LRP3: variants seen among roughly 807,000 people sequenced by gnomAD.
The protein encoded by LRP3 is low-density lipoprotein receptor-related protein 3.
In LRP3, 49 loss-of-function variants were observed where a neutral mutation model predicts 58.5. That is an observed-to-expected ratio of 0.84 (90% CI 0.67 to 1.06). The LOEUF is 1.06. LRP3 is among the 50% of genes least tolerant of loss of function. The pLI, the probability that LRP3 is intolerant of heterozygous loss-of-function variation, is 0.00. For missense variants in LRP3, 1,019 were observed against 1,134.2 expected, an observed-to-expected ratio of 0.90 and a Z score of 1.46; for synonymous variants, 485 against 492.2, an observed-to-expected ratio of 0.99 and a Z score of 0.20.
Position 33,196,716 on chromosome 19 carries a change from TG to T in LRP3, c.74-13del. 6.2e-7 allele frequency: 1 copy of T among 1,613,980 alleles called. No individual in the cohort carries two copies. The highest frequency in any genetic ancestry group is 8.5e-7 in the Non-Finnish European group (1 of 1,179,816). On this transcript the variant is annotated splice_polypyrimidine_tract_variant and intron_variant, in intron 1 of 6. Transcript: ENST00000253193. ...TATGTGGGACCCCTGACCCTTTCTT[TG>T]TATCTCCCACAGTGAACATCTTTCT...
At chr19:33,203,280 G>A (rs1974362363) in intron 3 of LRP3, among the ~76,000 whole-genome samples, 1 of 152,064 alleles carries the variant, frequency 6.6e-6, no homozygotes. Context: ...CAGGTATGTG[G>A]TGTGTGCATG....
Position 33,208,484 on chromosome 19 carries a change from AG to A in LRP3, c.*914del, listed in dbSNP as rs1387182008. ...CCCATCCTCGACATCCCTTTAGGGCAGGGGGACTCTGGGTGCCATGGTAGGG... is the reference window on the plus strand; with the variant it reads ...CCCATCCTCGACATCCCTTTAGGGCAGGGGACTCTGGGTGCCATGGTAGGG... On this transcript the variant is annotated 3_prime_UTR_variant, in exon 7 of 7. Coordinates refer to ENST00000253193, the MANE Select transcript of LRP3 (RefSeq NM_002333.4). The surrounding 1 kb of genome is among the most constrained non-coding windows in gnomAD (Gnocchi z 4.7). 7 of 299,846 alleles carry A rather than the reference AG, an allele frequency of 2.3e-5. No homozygotes were observed. 18.6% of individuals were successfully genotyped at this position (299,846 alleles called of 1,614,324 possible).
In LRP3 at chr19:33,204,771, C is replaced by A; in HGVS notation, c.394C>A (p.Arg132Ser). Reference sequence around the variant, plus strand: ...CATCCCACCTGCCTTCATCTCTGCCCGCGACCATGTCTGGATTTTCTTCCA... The same window carrying A: ...CATCCCACCTGCCTTCATCTCTGCCAGCGACCATGTCTGGATTTTCTTCCA... ...SAIPPAFISA[R>S]DHVWIFFHSD... Residue 132 changes from arginine to serine, a missense_variant, in exon 4 of 7, where the codon CGC becomes AGC. Around this residue, in one of 2 missense-constraint regions of LRP3, gnomAD observed 592 missense variants for 725.5 expected, o/e 0.82. Coordinates refer to ENST00000253193, the MANE Select transcript of LRP3 (RefSeq NM_002333.4). 6.2e-7 allele frequency: 1 copy of A among 1,613,304 alleles called. No individual in the cohort carries two copies. The highest frequency in any genetic ancestry group is 1.1e-5 in the South Asian group (1 of 91,090).
intron 2 of LRP3, among the ~76,000 whole-genome samples, chr19:33,197,126 T>C (rs192208944): frequency 9.8e-5 from 15 of 152,302 alleles, no homozygotes; most frequent in African/African-American, 3.6e-4. Context: ...TTGCAGGCCA[T>C]GAGCTTCCTA....
intron 1 of LRP3, among the ~76,000 whole-genome samples, 197 bp downstream of exon 1, chr19:33,195,055 C>T (rs1409470253): frequency 6.6e-6 from 1 of 151,900 alleles, no homozygotes; most frequent in Non-Finnish European, 1.5e-5. Context: ...TGGCGCAGCC[C>T]CGGCTCCCGC....
chr19:33,204,816 G>A lies in LRP3; in HGVS notation c.439G>A (p.Gly147Ser), dbSNP rs775108916. ...IFFHSDASSS[G>S]QAQGFRLSYI... Reference sequence around the variant, plus strand: ...CTTCCACTCAGACGCCTCCAGCTCCGGCCAGGCCCAGGGCTTCCGTCTGTC... The same window carrying A: ...CTTCCACTCAGACGCCTCCAGCTCCAGCCAGGCCCAGGGCTTCCGTCTGTC... The change falls in exon 4 of 7, where the codon GGC (glycine) becomes AGC (serine). Residue 147 changes from glycine (G) to serine (S), a missense_variant. By Grantham distance (56) the Gly-to-Ser change is moderately conservative. Transcript: ENST00000253193. The A allele has an allele frequency of 5.1e-5, 83 of 1,613,454 alleles. No individual in the cohort carries two copies. Among genetic ancestry groups the A allele is most frequent in the Non-Finnish European group, 6.2e-5 (73 of 1,179,994 alleles).
intron 1 of LRP3, among the ~76,000 whole-genome samples, chr19:33,195,898 G>A (rs1290880521): frequency 6.6e-6 from 1 of 152,198 alleles, no homozygotes; most frequent in Non-Finnish European, 1.5e-5. Flanking sequence ...GCCTGGCTCT[G>A]TCCAGGGGGC....
chr19:33,203,777 G>A (rs1974369187), intron 3 of LRP3: 1 of 152,260 alleles, frequency 6.6e-6, no homozygotes, highest in Non-Finnish European at 1.5e-5. Flanking sequence ...CTGTCCTGCA[G>A]GGGTGGCTGG....
chr19:33,200,647 G>A (rs1364256669), intron 2 of LRP3, among the ~76,000 whole-genome samples: 2 of 152,212 alleles, frequency 1.3e-5, no homozygotes, highest in African/African-American at 2.4e-5. Context: ...GCTGGGGCCG[G>A]GGCCACTTTG....
At chr19:33,206,883 C>T in intron 6 of LRP3, 105 bp from the exon 7 acceptor site, 2 of 1,201,836 alleles carry the variant, frequency 1.7e-6, no homozygotes, top group Non-Finnish European at 2.3e-6. Context: ...ACAAGGTGGT[C>T]TCTCGGGTCT....
At chr19:33,204,271 C>T in intron 3 of LRP3, 2 of 275,458 alleles carry the variant, frequency 7.3e-6, no homozygotes, top group South Asian at 1.1e-4. Context: ...GCCCTTGGGC[C>T]ACTGCCCTTT....
At chr19:33,198,033 C>T (rs1333994901) in intron 2 of LRP3, among the ~76,000 whole-genome samples, 1 of 152,106 alleles carries the variant, frequency 6.6e-6, no homozygotes, top group African/African-American at 2.4e-5. Flanking sequence ...TCTCCCATCC[C>T]AATTTCCAGG....
In LRP3 at chr19:33,204,665, C is replaced by A. The variant is rs1466693117; in HGVS notation, c.288C>A (p.Ser96=). 1 of 1,607,596 alleles carries A rather than the reference C, an allele frequency of 6.2e-7. No homozygotes were observed. The highest frequency in any genetic ancestry group is 8.5e-7 in the Non-Finnish European group (1 of 1,179,732). Residue 96 remains serine, a synonymous_variant, in exon 4 of 7, where the codon TCC becomes TCA. Transcript: ENST00000253193. The part of the protein sequence containing the change: ...ISFRNFDVEE[S]HQCSLDWLLL... Reference sequence around the variant, plus strand: ...TCCGCAACTTTGACGTGGAGGAGTCCCACCAGTGCTCCCTGGACTGGCTCC... The same window carrying A: ...TCCGCAACTTTGACGTGGAGGAGTCACACCAGTGCTCCCTGGACTGGCTCC...
chr19:33,195,458 G>C (rs1363658241), intron 1 of LRP3, among the ~76,000 whole-genome samples: 2 of 152,228 alleles, frequency 1.3e-5, no homozygotes, highest in Non-Finnish European at 2.9e-5. Context: ...CGCCCTGTCC[G>C]GGAGTTTTTC....
In LRP3 at chr19:33,207,486, C is replaced by T. The variant is rs1169154819; in HGVS notation, c.2224C>T (p.Pro742Ser). The T allele has an allele frequency of 5.6e-6, 9 of 1,602,016 alleles. No individual in the cohort carries two copies. Among genetic ancestry groups the T allele is most frequent in the Non-Finnish European group, 7.6e-6 (9 of 1,177,624 alleles). Residue 742 changes from proline to serine, a missense_variant, in exon 7 of 7, where the codon CCA becomes TCA. By Grantham distance (74) the Pro-to-Ser change is moderately conservative. Coordinates refer to ENST00000253193, the MANE Select transcript of LRP3 (RefSeq NM_002333.4). ...CAGCAGCACCCTGGGCCCCCACTCG[C>T]CAGAGCCACTGGGGGTCTGCAGGAA... Reference protein sequence around the residue: ...TASSTLGPHSPEPLGVCRNPP... With the variant: ...TASSTLGPHSSEPLGVCRNPP...
intron 2 of LRP3, among the ~76,000 whole-genome samples, chr19:33,201,146 C>T (rs779067247): frequency 6.6e-5 from 10 of 152,196 alleles, no homozygotes; most frequent in African/African-American, 1.9e-4. Flanking sequence ...GGACATGGCA[C>T]GGCCCTACCT....
rs935771661 is a variant in LRP3 at position 33,194,496 on chromosome 19, G to A, written c.-290G>A. ...GCGGCGGGGCTCCCGGGGCGCGGGG[G>A]CAGCGGCGGGCGGGGGTCTTCCCTG... On this transcript the variant is annotated 5_prime_UTR_variant, in exon 1 of 7. Coordinates refer to ENST00000253193, the MANE Select transcript of LRP3 (RefSeq NM_002333.4). 6.9e-6 allele frequency: 1 copy of A among 144,660 alleles called. No individual in the cohort carries two copies. The highest frequency in any genetic ancestry group is 2.5e-5 in the African/African-American group (1 of 40,388). 9.0% of individuals were successfully genotyped at this position (144,660 alleles called of 1,614,324 possible).
chr19:33,202,832 C>A lies in LRP3; in HGVS notation c.122-16C>A. On this transcript the variant is annotated splice_polypyrimidine_tract_variant and intron_variant, in intron 2 of 6. Coordinates refer to ENST00000253193, the MANE Select transcript of LRP3 (RefSeq NM_002333.4). The stretch of plus-strand genomic sequence containing the variant: ...CCAAAGATGGGCCGGCCTTTCTCGG[C>A]CTCCTCTCCCGACAGCGGCCTGCAG... 6.3e-7 allele frequency: 1 copy of A among 1,597,700 alleles called. No individual in the cohort carries two copies.
At chr19:33,198,270 G>A (rs751892962) in intron 2 of LRP3, among the ~76,000 whole-genome samples, 2 of 152,182 alleles carry the variant, frequency 1.3e-5, no homozygotes, top group Non-Finnish European at 2.9e-5. Flanking sequence ...AGGTCCTTGC[G>A]TTTGGTTGTC....
Sources: allele counts gnomAD v4.1 joint callset (sites outside exome capture counted in the v4.1 genomes callset), GRCh38; gene constraint gnomAD v4.1.1; regional missense constraint gnomAD v4.1.1; non-coding constraint Gnocchi (gnomAD v3.1); transcripts MANE v1.5; gene names NCBI Gene and HGNC (gene_info 2026-07-23, HGNC 2026-07-21).